BHMT2: variants seen among roughly 807,000 people sequenced by gnomAD.
The protein encoded by BHMT2 is S-methylmethionine--homocysteine S-methyltransferase BHMT2.
Under a neutral mutation model 39.0 loss-of-function variants are expected in BHMT2, and 28 were observed. That is an observed-to-expected ratio of 0.72 (90% confidence interval 0.53 to 0.98). The LOEUF (loss-of-function observed/expected upper bound fraction) is 0.98, where lower values mean the gene tolerates loss of function less well. Among genes scored for constraint, BHMT2 ranks in the 50% least tolerant of loss-of-function variants. The pLI, the probability that BHMT2 is intolerant of heterozygous loss-of-function variation, is 0.00. For synonymous variants in BHMT2, 145 were observed against 160.6 expected (o/e 0.90, Z 0.74); for missense variants, 410 against 455.6 (o/e 0.90, Z 0.91).
chr5:79,083,825 G>A lies in BHMT2; in HGVS notation c.979G>A (p.Asp327Asn). 6.2e-7 allele frequency: 1 copy of A among 1,614,062 alleles called. No individual in the cohort carries two copies. ...EKHGSWGSGL[D>N]MHTKPWIRAR... Reference sequence around the variant, plus strand: ...ACACGGCAGCTGGGGAAGTGGTTTGGACATGCACACCAAACCCTGGATTAG... The same window carrying A: ...ACACGGCAGCTGGGGAAGTGGTTTGAACATGCACACCAAACCCTGGATTAG... The change falls in exon 7 of 8, where the codon GAC (aspartate) becomes AAC (asparagine). Residue 327 changes from aspartate to asparagine, a missense_variant. Physicochemically the swap from Asp to Asn is conservative, Grantham distance 23. Coordinates refer to ENST00000255192, the MANE Select transcript of BHMT2 (RefSeq NM_017614.5).
intron 4 of BHMT2, 164 bp from the exon 5 acceptor site, chr5:79,082,645 G>T: frequency 1.5e-6 from 1 of 675,444 alleles, no homozygotes; most frequent in Non-Finnish European, 2.4e-6. Flanking sequence ...ACTCAGAAAG[G>T]TATTCTTTAG....
intron 2 of BHMT2, 112 bp downstream of exon 2, chr5:79,077,724 T>C (rs1755699309): frequency 1.5e-6 from 2 of 1,337,014 alleles, no homozygotes; most frequent in Non-Finnish European, 2.1e-6. Context: ...TTTTGCTTGC[T>C]AAGATTGCCA....
At chr5:79,084,819 T>G (rs765971969) in intron 7 of BHMT2, among the ~76,000 whole-genome samples, 20 of 152,224 alleles carry the variant, frequency 1.3e-4, no homozygotes, top group Non-Finnish European at 2.8e-4. Flanking sequence ...TCACATAGGC[T>G]TCCCCTTTTC....
At chr5:79,071,463 A>C (rs1755573985) in intron 1 of BHMT2, among the ~76,000 whole-genome samples, 1 of 152,218 alleles carries the variant, frequency 6.6e-6, no homozygotes, top group African/African-American at 2.4e-5. Context: ...GCATAAATGC[A>C]CCCTAGAGCT....
chr5:79,075,805 G>A (rs528101414), intron 1 of BHMT2, among the ~76,000 whole-genome samples: 296 of 152,274 alleles, frequency 1.9e-3, no homozygotes, highest in Non-Finnish European at 2.9e-3. Context: ...CCCCTTGCAG[G>A]GTGTGTGATG....
chr5:79,079,483 G>T (rs1486865178), intron 3 of BHMT2, 23 bp downstream of exon 3: 2 of 1,532,496 alleles, frequency 1.3e-6, no homozygotes, highest in Non-Finnish European at 1.8e-6. Context: ...GGCTGGGTGT[G>T]GGGGAGGGAG....
intron 1 of BHMT2, among the ~76,000 whole-genome samples, chr5:79,074,971 G>A (rs1755648259): frequency 6.6e-6 from 1 of 152,142 alleles, no homozygotes; most frequent in East Asian, 1.9e-4. Context: ...CCCATGCTGA[G>A]GAGGACAGTA....
rs776589923 is a variant in BHMT2 at position 79,077,606 on chromosome 5, G to C, written c.160G>C (p.Asp54His). ...WTPEAVIEHP[D>H]AVRQLHMEFL... is the part of the protein sequence containing the mutation. ...TCCAGAGGCAGTGATAGAACACCCAGACGCAGGTTGGTGTCCACATCCCCA... is the reference window on the plus strand; with the variant it reads ...TCCAGAGGCAGTGATAGAACACCCACACGCAGGTTGGTGTCCACATCCCCA... The change falls in exon 2 of 8, where the codon GAC becomes CAC. Residue 54 changes from aspartate to histidine, a missense_variant. Transcript: ENST00000255192. 1 of 1,613,756 alleles carries C rather than the reference G, an allele frequency of 6.2e-7. No individual in the cohort carries two copies.
intron 1 of BHMT2, chr5:79,071,257 C>A (rs1402275967): frequency 1.3e-5 from 2 of 152,156 alleles, no homozygotes; most frequent in African/African-American, 4.8e-5. Flanking sequence ...GACAAGACCT[C>A]CAATTAGGTC....
At chr5:79,085,838 T>A (rs943527616) in intron 7 of BHMT2, among the ~76,000 whole-genome samples, 1 of 152,210 alleles carries the variant, frequency 6.6e-6, no homozygotes, top group African/African-American at 2.4e-5. Context: ...GCCAGCGCGC[T>A]GCTTCTCTTT....
chr5:79,076,071 T>TCA (rs1387972001), intron 1 of BHMT2, among the ~76,000 whole-genome samples: 10 of 149,560 alleles, frequency 6.7e-5, no homozygotes, highest in African/African-American at 1.8e-4. Flanking sequence ...AAAAATTGGA[T>TCA]CACACATGGG....
chr5:79,077,467 T>A lies in BHMT2; in HGVS notation c.34-13T>A. On this transcript the variant is annotated splice_polypyrimidine_tract_variant and intron_variant, in intron 1 of 7. Coordinates refer to ENST00000255192, the MANE Select transcript of BHMT2 (RefSeq NM_017614.5). ...GTAGAGCGGAGCTTAGGTGCTTTTT[T>A]TCTCTTCTTCAGGGGATTTTGGAGC... is the stretch of plus-strand genomic sequence containing the variant. The A allele has an allele frequency of 6.3e-7, 1 of 1,599,930 alleles. No individual in the cohort carries two copies. Among genetic ancestry groups the A allele is most frequent in the Non-Finnish European group, 8.5e-7 (1 of 1,176,366 alleles).
intron 4 of BHMT2, among the ~76,000 whole-genome samples, chr5:79,081,840 C>T (rs62377952): frequency 0.02 from 3,049 of 151,994 alleles, 46 homozygotes; most frequent in Middle Eastern, 0.027. Flanking sequence ...CCAGCCTGGG[C>T]GACAGAGTGA....
intron 4 of BHMT2, among the ~76,000 whole-genome samples, chr5:79,082,016 CT>C (rs772810169): frequency 9.2e-5 from 14 of 152,342 alleles, no homozygotes; most frequent in Non-Finnish European, 1.8e-4. Flanking sequence ...ACCCTCTGTG[CT>C]TTCCAGATGG....
At chr5:79,075,859 A>C (rs1274552793) in intron 1 of BHMT2, among the ~76,000 whole-genome samples, 1 of 152,176 alleles carries the variant, frequency 6.6e-6, no homozygotes, top group African/African-American at 2.4e-5. Flanking sequence ...TTAAACCCCT[A>C]GGGGGAGCAT....
intron 1 of BHMT2, among the ~76,000 whole-genome samples, chr5:79,076,111 A>G (rs1032870005): frequency 8.5e-5 from 13 of 152,148 alleles, no homozygotes; most frequent in Non-Finnish European, 1.6e-4. Context: ...GTTTTATCGA[A>G]TGGTGGAAGT....
In BHMT2 at chr5:79,090,063, C is replaced by A. The variant is rs1404527781; in HGVS notation, c.*1489C>A. The stretch of plus-strand genomic sequence containing the variant: ...AATTTGTGGCAATAAAAATGATTTA[C>A]CTTTTATAGTGTTTGAATGTCGAAA... On this transcript the variant is annotated 3_prime_UTR_variant, in exon 8 of 8. Coordinates refer to ENST00000255192, the MANE Select transcript of BHMT2 (RefSeq NM_017614.5). 6.6e-6 allele frequency among the ~76,000 whole-genome samples: 1 copy of A among 152,122 alleles called. No individual in the cohort carries two copies. The highest frequency in any genetic ancestry group is 2.4e-5 in the African/African-American group (1 of 41,422).
intron 1 of BHMT2, 81 bp downstream of exon 1, chr5:79,069,896 C>A: frequency 7.8e-7 from 1 of 1,286,292 alleles, no homozygotes; most frequent in South Asian, 2.5e-5. Flanking sequence ...GCGTCCATCC[C>A]TAGCCAAGCC....
chr5:79,088,358 CTGTGTGTGTGTGTGTG>C, intron 7 of BHMT2, 119 bp from the exon 8 acceptor site: 5 of 303,466 alleles, frequency 1.6e-5, no homozygotes, highest in South Asian at 1.4e-4. Context: ...CAAGTTTTGA[CTGTGTGTGTGTGTGTG>C]TGTGTGTGTG....
Sources: allele counts gnomAD v4.1 joint callset (sites outside exome capture counted in the v4.1 genomes callset), GRCh38; gene constraint gnomAD v4.1.1; transcripts MANE v1.5; gene names NCBI Gene and HGNC (gene_info 2026-07-23, HGNC 2026-07-21).